MRS2: variants seen among roughly 807,000 people sequenced by gnomAD.
The protein encoded by MRS2 is magnesium transporter MRS2 homolog, mitochondrial.
MRS2 carries 40 observed loss-of-function variants against 52.6 expected under a neutral mutation model. The observed-to-expected ratio is 0.76, with a 90% confidence interval of 0.59 to 0.99. The LOEUF is 0.99. Ranked by LOEUF, MRS2 falls within the 50% of genes least tolerant of loss-of-function variation. The pLI is 0.00. For missense variants in MRS2, 472 were observed against 532.7 expected, an observed-to-expected ratio of 0.89 and a Z score of 1.12; for synonymous variants, 193 against 195.9, an observed-to-expected ratio of 0.98 and a Z score of 0.13.
chr6:24,409,396 C>T, intron 3 of MRS2, 65 bp from the exon 4 acceptor site: 1 of 993,588 alleles, frequency 1.0e-6, no homozygotes, highest in Non-Finnish European at 1.5e-6. Context: ...GAGGACTGCT[C>T]TGATGGAAAA....
intron 9 of MRS2, among the ~76,000 whole-genome samples, chr6:24,419,732 A>G (rs1761979164): frequency 6.6e-6 from 1 of 152,214 alleles, no homozygotes; most frequent in Admixed American, 6.5e-5. Flanking sequence ...TTGTACAGTC[A>G]TCCCTCAGTA....
chr6:24,418,645 T>G, intron 9 of MRS2, 67 bp downstream of exon 9: 1 of 1,248,990 alleles, frequency 8.0e-7, no homozygotes, highest in South Asian at 1.2e-5. Flanking sequence ...ATGTCAGTAA[T>G]CCTAGCACTT....
Position 24,402,987 on chromosome 6 carries a change from A to G in MRS2, c.-60A>G. 1 of 1,463,854 alleles carries G rather than the reference A, an allele frequency of 6.8e-7. No homozygotes were observed. The highest frequency in any genetic ancestry group is 9.1e-7 in the Non-Finnish European group (1 of 1,095,492). The allele number at this position is 1,463,854 out of a possible 1,614,324, so 90.7% of individuals were successfully genotyped here. Reference sequence around the variant, plus strand: ...GACAGGTCAGAGCTGCGGCCTGAGCAGCCAGCGTCCGGCATGAAGGTCTGG... The same window carrying G: ...GACAGGTCAGAGCTGCGGCCTGAGCGGCCAGCGTCCGGCATGAAGGTCTGG... On this transcript the variant is annotated 5_prime_UTR_variant, in exon 1 of 11. Coordinates refer to ENST00000378386, the MANE Select transcript of MRS2 (RefSeq NM_020662.4).
At chr6:24,418,958 T>C (rs1460354915) in intron 9 of MRS2, 2 of 167,286 alleles carry the variant, frequency 1.2e-5, no homozygotes, top group African/African-American at 2.4e-5. Flanking sequence ...AAATAAAGGC[T>C]GGGCACCTTG....
rs961634017 is a variant in MRS2, at chr6:24,425,477, G to A, written c.*1783G>A. On this transcript the variant is annotated 3_prime_UTR_variant, in exon 11 of 11. Coordinates refer to ENST00000378386, the MANE Select transcript of MRS2 (RefSeq NM_020662.4). ...CTAGTGTTTTATAGAATTTCTGAAG[G>A]TGGTTAAATCAAGTATGATTTCAAA... 2.0e-5 allele frequency: 3 copies of A among 152,200 alleles called. No individual in the cohort carries two copies. Among genetic ancestry groups the A allele is most frequent in the Non-Finnish European group, 4.4e-5 (3 of 68,044 alleles). 9.4% of individuals were successfully genotyped at this position (152,200 alleles called of 1,614,324 possible).
At chr6:24,420,202 C>T (rs1761999074) in intron 9 of MRS2, among the ~76,000 whole-genome samples, 2 of 152,192 alleles carry the variant, frequency 1.3e-5, no homozygotes, top group Admixed American at 6.5e-5. Context: ...CTCCTCTCCC[C>T]TCAGATCCCC....
Position 24,412,328 on chromosome 6 carries a change from A to T in MRS2, c.521A>T (p.Glu174Val), listed in dbSNP as rs1277448644. Residue 174 changes from glutamate (E) to valine (V), a missense_variant, in exon 5 of 11, where the codon GAG becomes GTG. Physicochemically the swap from Glu to Val is moderately radical, Grantham distance 121 (BLOSUM62 -2). Transcript: ENST00000378386. ...GAACTCCCTTCACAGTTGTCTGGAG[A>T]GGGTCAACTCGTTACATACCCTTTA... is the stretch of plus-strand genomic sequence containing the variant. ...FRELPSQLSGEGQLVTYPLPF... is the reference protein window; with the variant it reads ...FRELPSQLSGVGQLVTYPLPF... 6.3e-7 allele frequency: 1 copy of T among 1,599,510 alleles called. No individual in the cohort carries two copies. The highest frequency in any genetic ancestry group is 1.3e-5 in the African/African-American group (1 of 74,172).
chr6:24,415,538 C>T (rs1246759685), intron 6 of MRS2, among the ~76,000 whole-genome samples: 1 of 152,044 alleles, frequency 6.6e-6, no homozygotes. Flanking sequence ...AATTTAATAA[C>T]AATATTATAT....
chr6:24,423,321 TAC>T, intron 10 of MRS2: 1 of 470,914 alleles, frequency 2.1e-6, no homozygotes. Context: ...TCTGACAACA[TAC>T]ATTTAAACAG....
chr6:24,422,010 A>G (rs530070168), intron 9 of MRS2, among the ~76,000 whole-genome samples: 59 of 151,914 alleles, frequency 3.9e-4, no homozygotes, highest in African/African-American at 1.1e-3. Flanking sequence ...TTAGCTGGGC[A>G]TGGTGCCGCA....
chr6:24,411,801 T>A (rs547531216), intron 4 of MRS2, among the ~76,000 whole-genome samples: 1 of 151,912 alleles, frequency 6.6e-6, no homozygotes, highest in Non-Finnish European at 1.5e-5. Context: ...CCTCCAAAAG[T>A]GCTGGGATTA....
chr6:24,408,348 AC>A, intron 2 of MRS2, 59 bp from the exon 3 acceptor site: 1 of 1,097,098 alleles, frequency 9.1e-7, no homozygotes, highest in Non-Finnish European at 1.4e-6. Flanking sequence ...AATTAGCAAT[AC>A]CATAAGTAGC....
In MRS2 at chr6:24,418,583, G is replaced by C. The variant is rs1247376466; in HGVS notation, c.1107+5G>C. 6.3e-7 allele frequency: 1 copy of C among 1,598,412 alleles called. No individual in the cohort carries two copies. The highest frequency in any genetic ancestry group is 2.2e-5 in the East Asian group (1 of 44,792). ...TTGGAATCTTCCCTTGAAGAGGTGA[G>C]AATGTATTATTATTTCTAAAACTTG... is the stretch of plus-strand genomic sequence containing the variant. On this transcript the variant is annotated splice_donor_5th_base_variant and intron_variant, in intron 9 of 10. Coordinates refer to ENST00000378386, the MANE Select transcript of MRS2 (RefSeq NM_020662.4).
intron 10 of MRS2, 50 bp downstream of exon 10, chr6:24,423,100 G>A (rs374548912): frequency 1.1e-5 from 16 of 1,462,916 alleles, no homozygotes; most frequent in African/African-American, 8.5e-5. Flanking sequence ...TATGATCATG[G>A]GCCCTAAAGT....
chr6:24,409,666 T>A, intron 4 of MRS2, 93 bp downstream of exon 4: 1 of 737,556 alleles, frequency 1.4e-6, no homozygotes, highest in South Asian at 2.1e-5. Context: ...TTAAAAGTAA[T>A]TTTGGAATAG....
intron 4 of MRS2, among the ~76,000 whole-genome samples, chr6:24,411,869 GTT>G (rs1761668159): frequency 1.4e-5 from 2 of 142,898 alleles, no homozygotes; most frequent in African/African-American, 5.2e-5. Flanking sequence ...TTTTTTTTTT[GTT>G]TTTGTTTTTT....
Position 24,416,470 on chromosome 6 carries a change from C to G in MRS2, c.793C>G (p.Leu265Val), listed in dbSNP as rs949400851. ...GGAGATCTTGGATGAGGAAGAGTTG[C>G]TAGAAGAGCTCTGTGTATCAAAATG... ...ILEILDEEEL[L>V]EELCVSKWSD... The change falls in exon 7 of 11, where the codon CTA becomes GTA. Residue 265 changes from leucine (L) to valine (V), a missense_variant. By Grantham distance (32) the Leu-to-Val change is conservative. Transcript: ENST00000378386. 1 of 1,604,112 alleles carries G rather than the reference C, an allele frequency of 6.2e-7. No homozygotes were observed. Among genetic ancestry groups the G allele is most frequent in the Admixed American group, 1.7e-5 (1 of 59,612 alleles).
At position 24,408,364 on chromosome 6, in the gene MRS2, T is replaced by C. The variant is rs1277196207; in HGVS notation, c.265-44T>C. On this transcript the variant is annotated intron_variant, in intron 2 of 10. Transcript: ENST00000378386. Reference sequence around the variant, plus strand: ...ATTAGCAATACCATAAGTAGCATTCTAATTTGAAAGAAAATCATAATTTGT... The same window carrying C: ...ATTAGCAATACCATAAGTAGCATTCCAATTTGAAAGAAAATCATAATTTGT... 5 of 1,301,088 alleles carry C rather than the reference T, an allele frequency of 3.8e-6. No individual in the cohort carries two copies. In the South Asian group the frequency reaches 4.8e-5, roughly 13 times the overall value. 80.6% of individuals were successfully genotyped at this position (1,301,088 alleles called of 1,614,324 possible).
chr6:24,413,612 T>C (rs996643826), intron 5 of MRS2, among the ~76,000 whole-genome samples: 1 of 152,168 alleles, frequency 6.6e-6, no homozygotes, highest in Non-Finnish European at 1.5e-5. Context: ...AAAGATGTGG[T>C]CTGCCTATTT....
Sources: gnomAD v4.1 joint callset for allele counts (sites outside exome capture counted in the v4.1 genomes callset) on GRCh38, gnomAD v4.1.1 for gene constraint, MANE v1.5 for transcripts, NCBI Gene and HGNC (gene_info 2026-07-23, HGNC 2026-07-21) for gene names.